DLG2: variants seen among roughly 807,000 people sequenced by gnomAD.
The protein encoded by DLG2 is disks large homolog 2.
In DLG2, 45 loss-of-function variants were observed where a neutral mutation model predicts 132.5. The ratio of observed to expected loss-of-function variants is 0.34; its 90% confidence interval spans 0.27 to 0.44. DLG2 has a LOEUF of 0.44. Ranked by LOEUF, DLG2 falls within the 20% of genes least tolerant of loss-of-function variation. The probability of loss-of-function intolerance (pLI) is 1.00; values close to 1 mark genes in which losing one functional copy is unlikely to be tolerated. For missense variants in DLG2, 1,045 were observed against 1,196.9 expected (o/e 0.87, Z 1.87); for synonymous variants, 424 against 419.6 (o/e 1.01, Z -0.13).
At chr11:84,273,313 A>AT in intron 7 of DLG2, 1 of 1,393,550 alleles carries the variant, frequency 7.2e-7, no homozygotes, top group Non-Finnish European at 9.3e-7. Context: ...GAGGAAAAAA[A>AT]AAAAAAAAAA....
intron 6 of DLG2, among the ~76,000 whole-genome samples, chr11:84,796,224 A>G (rs188907777): frequency 6.6e-6 from 1 of 152,330 alleles, no homozygotes; most frequent in Non-Finnish European, 1.5e-5. Flanking sequence ...CCATAAATAT[A>G]TACACTACTA....
intron 6 of DLG2, among the ~76,000 whole-genome samples, chr11:84,768,218 G>T (rs968519690): frequency 6.6e-6 from 1 of 152,190 alleles, no homozygotes; most frequent in East Asian, 1.9e-4. Flanking sequence ...ACCCCAAGAT[G>T]TCACTATTGC....
intron 6 of DLG2, among the ~76,000 whole-genome samples, chr11:84,714,647 T>TTTCTC (rs2060984125): frequency 6.6e-5 from 6 of 90,650 alleles, no homozygotes; most frequent in African/African-American, 1.2e-4. Context: ...CTCTCTCTCT[T>TTTCTC]TCTCTCTCTC....
intron 12 of DLG2, among the ~76,000 whole-genome samples, chr11:83,969,218 G>A (rs1018989768): frequency 3.3e-5 from 5 of 152,182 alleles, no homozygotes; most frequent in East Asian, 3.9e-4. Context: ...GCCTCCTTAC[G>A]AGATGAAAAT....
intron 3 of DLG2, among the ~76,000 whole-genome samples, chr11:85,503,515 C>G (rs7121977): frequency 0.023 from 3,435 of 152,054 alleles, 123 homozygotes; most frequent in African/African-American, 0.077. Context: ...TCCAATATGA[C>G]AGAATTGAAC....
chr11:85,494,511 T>C (rs955723826), intron 3 of DLG2, among the ~76,000 whole-genome samples: 15 of 152,192 alleles, frequency 9.9e-5, no homozygotes, highest in African/African-American at 3.6e-4. Flanking sequence ...AAAAGGAAAG[T>C]AAGCAATGTT....
chr11:85,460,770 C>T (rs578208028), intron 3 of DLG2, among the ~76,000 whole-genome samples: 2 of 152,294 alleles, frequency 1.3e-5, no homozygotes, highest in East Asian at 1.9e-4. Context: ...TGAAGAGAAG[C>T]TCTAGTATCT....
At chr11:83,973,847 T>G (rs1425319416) in intron 12 of DLG2, among the ~76,000 whole-genome samples, 1 of 152,078 alleles carries the variant, frequency 6.6e-6, no homozygotes, top group African/African-American at 2.4e-5. Flanking sequence ...GAATCAGAGA[T>G]GTTGACAAAA....
At chr11:85,069,347 C>T (rs1363270643) in intron 6 of DLG2, among the ~76,000 whole-genome samples, 1 of 152,004 alleles carries the variant, frequency 6.6e-6, no homozygotes, top group African/African-American at 2.4e-5. Context: ...AAAGAAACTA[C>T]CATCAGAGTG....
At chr11:84,673,819 A>G (rs905889770) in intron 6 of DLG2, among the ~76,000 whole-genome samples, 8 of 151,984 alleles carry the variant, frequency 5.3e-5, no homozygotes, top group Non-Finnish European at 1.2e-4. Context: ...TTCCTCATCT[A>G]TTATCCTATA....
chr11:84,892,887 G>GGAAGA (rs1042628763), intron 6 of DLG2, among the ~76,000 whole-genome samples: 2 of 151,974 alleles, frequency 1.3e-5, no homozygotes, highest in East Asian at 1.9e-4. Context: ...CTAAAACAGA[G>GGAAGA]GAAGAGAAGA....
chr11:85,501,904 A>C (rs1159765096), intron 3 of DLG2, among the ~76,000 whole-genome samples: 4 of 152,132 alleles, frequency 2.6e-5, no homozygotes, highest in Non-Finnish European at 5.9e-5. Context: ...TTGACCCATC[A>C]ATCCGATTAC....
chr11:85,343,180 T>G (rs1440131426), intron 3 of DLG2, among the ~76,000 whole-genome samples: 1 of 152,210 alleles, frequency 6.6e-6, no homozygotes, highest in East Asian at 1.9e-4. Flanking sequence ...GTTTATGTAT[T>G]GCATTTGGTT....
chr11:84,008,892 A>T (rs901634782), intron 11 of DLG2, among the ~76,000 whole-genome samples: 1 of 150,504 alleles, frequency 6.6e-6, no homozygotes, highest in African/African-American at 2.4e-5. Context: ...AGTTACATCT[A>T]GTGTCTGTCT....
intron 3 of DLG2, among the ~76,000 whole-genome samples, chr11:85,370,814 G>C (rs920978892): frequency 6.6e-6 from 1 of 152,038 alleles, no homozygotes; most frequent in African/African-American, 2.4e-5. Context: ...TAGGTAGATG[G>C]GATTTCCAAA....
At chr11:83,795,224 C>G (rs1006218773) in intron 17 of DLG2, among the ~76,000 whole-genome samples, 1 of 151,700 alleles carries the variant, frequency 6.6e-6, no homozygotes, top group South Asian at 2.1e-4. Flanking sequence ...GCTAACATGG[C>G]GAAACCCCGT....
chr11:85,244,839 G>T (rs929359040), intron 4 of DLG2, among the ~76,000 whole-genome samples: 10 of 151,892 alleles, frequency 6.6e-5, no homozygotes, highest in African/African-American at 1.7e-4. Context: ...TATTGCTTTA[G>T]AATAATTAGA....
At chr11:83,840,553 G>A (rs2057316378) in intron 16 of DLG2, among the ~76,000 whole-genome samples, 1 of 152,112 alleles carries the variant, frequency 6.6e-6, no homozygotes, top group Non-Finnish European at 1.5e-5. Context: ...ATCTAAAAGG[G>A]GGCTGCTGCT....
At chr11:84,134,692 C>CTGTGTGTGTG (rs5793105) in intron 9 of DLG2, among the ~76,000 whole-genome samples, 3 of 149,556 alleles carry the variant, frequency 2.0e-5, no homozygotes, top group East Asian at 2.0e-4. Flanking sequence ...CTTTTGTTAT[C>CTGTGTGTGTG]TGTGTGTGTG....
Sources: allele counts gnomAD v4.1 joint callset (sites outside exome capture counted in the v4.1 genomes callset), GRCh38; gene constraint gnomAD v4.1.1; transcripts MANE v1.5; gene names NCBI Gene and HGNC (gene_info 2026-07-23, HGNC 2026-07-21).